The following EGF variants were observed in gnomAD, a reference collection of about 807,000 sequenced individuals.
EGF encodes the protein epidermal growth factor, also known as pro-epidermal growth factor.
Under a neutral mutation model 143.8 loss-of-function variants are expected in EGF, and 95 were observed. The observed-to-expected ratio is 0.66, with a 90% CI of 0.56 to 0.78. EGF has a LOEUF of 0.78. Ranked by LOEUF, EGF falls within the 30% of genes least tolerant of loss-of-function variation. The pLI is 0.00. For synonymous variants in EGF, 510 were observed against 510.5 expected (o/e 1.00, Z 0.01); for missense variants, 1,320 against 1,470.9 (o/e 0.90, Z 1.68).
rs1753013866 is a variant in EGF at position 110,004,618 on chromosome 4, C to A, written c.3287C>A (p.Pro1096His). Residue 1096 changes from proline to histidine, a missense_variant, in exon 22 of 24, where the codon CCT (proline) becomes CAT (histidine). By Grantham distance (77) the Pro-to-His change is moderately conservative. Transcript: ENST00000265171. The part of the protein sequence containing the change: ...TEDGMSSCPQ[P>H]WFVVIKEHQD... Reference sequence around the variant, plus strand: ...GATGGGATGTCCTCTTGCCCTCAACCTTGGGTAATGTGACCAAAGCAGATG... The same window carrying A: ...GATGGGATGTCCTCTTGCCCTCAACATTGGGTAATGTGACCAAAGCAGATG... 2 of 1,613,638 alleles carry A rather than the reference C, an allele frequency of 1.2e-6. No homozygotes were observed. The highest frequency in any genetic ancestry group is 1.7e-6 in the Non-Finnish European group (2 of 1,179,740).
chr4:110,010,413 T>TA (rs201305285), intron 23 of EGF, among the ~76,000 whole-genome samples: 119 of 138,466 alleles, frequency 8.6e-4, no homozygotes, highest in African/African-American at 3.3e-3. Flanking sequence ...TGTAATTTTT[T>TA]TAAAAAAATT....
At position 109,964,599 on chromosome 4, in the gene EGF, C is replaced by G. The variant is rs1476433027; in HGVS notation, c.1575+62C>G. ...TTAAGGACAGAGTAGAGGATTTTAT[C>G]CTAACAAATGACCTGGCCTACTTGA... On this transcript the variant is annotated intron_variant, in intron 10 of 23. Transcript: ENST00000265171. The G allele has an allele frequency of 1.8e-5, 29 of 1,608,036 alleles. No homozygotes were observed. The South Asian group carries it at 2.2e-4, about 12-fold the overall frequency.
rs1485922121 is a variant in EGF, at chr4:110,013,647, C to G, written c.*2192C>G. Among the ~76,000 whole-genome samples, 1 of 152,056 alleles carries G rather than the reference C, an allele frequency of 6.6e-6. No individual in the cohort carries two copies. Among genetic ancestry groups the G allele is most frequent in the Admixed American group, 6.6e-5 (1 of 15,258 alleles). On this transcript the variant is annotated 3_prime_UTR_variant, in exon 24 of 24. Transcript: ENST00000265171. ...CTGAATACTTTTCCTCCCTAACTCT[C>G]ATCGTCTCATTGCGCGCAACGCCTG... is the stretch of plus-strand genomic sequence containing the variant.
At chr4:110,008,940 G>C (rs1218260364) in intron 23 of EGF, among the ~76,000 whole-genome samples, 1 of 152,158 alleles carries the variant, frequency 6.6e-6, no homozygotes, top group East Asian at 1.9e-4. Flanking sequence ...CTTTGGAAAG[G>C]TTTAGAGAAA....
intron 16 of EGF, 23 bp from the exon 17 acceptor site, chr4:109,987,721 C>A: frequency 6.3e-7 from 1 of 1,580,794 alleles, no homozygotes; most frequent in Non-Finnish European, 8.7e-7. Flanking sequence ...GAAATAACTG[C>A]ACGGGATTCT....
chr4:109,955,251 G>T (rs1052476086), intron 5 of EGF, among the ~76,000 whole-genome samples: 1 of 152,162 alleles, frequency 6.6e-6, no homozygotes, highest in Non-Finnish European at 1.5e-5. Context: ...GGGGCAGTTG[G>T]TGGTGGACAT....
chr4:109,952,016 C>T (rs1255159956), intron 5 of EGF, among the ~76,000 whole-genome samples: 1 of 151,980 alleles, frequency 6.6e-6, no homozygotes, highest in Non-Finnish European at 1.5e-5. Context: ...CTTACTTCTC[C>T]CCGGCTGTCC....
intron 1 of EGF, among the ~76,000 whole-genome samples, chr4:109,915,190 G>C (rs1736406320): frequency 6.6e-6 from 1 of 152,174 alleles, no homozygotes. Flanking sequence ...CTGTGTCACA[G>C]AGTGGAAGGA....
Position 109,980,840 on chromosome 4 carries a change from T to A in EGF, c.2236T>A (p.Leu746Ile). Residue 746 changes from leucine (L) to isoleucine (I), a missense_variant, in exon 15 of 24, where the codon TTA becomes ATA. This residue lies in a region of EGF where 1,186 missense variants were observed against 1,313.7 expected (regional missense o/e 0.90). Coordinates refer to ENST00000265171, the MANE Select transcript of EGF (RefSeq NM_001963.6). ...PLAKPGADPC[L>I]YQNGGCEHIC... ...TTCTCTACTAGGAGCAGATCCCTGC[T>A]TATATCAAAACGGAGGCTGTGAACA... is the stretch of plus-strand genomic sequence containing the variant. 6.2e-7 allele frequency: 1 copy of A among 1,614,084 alleles called. No individual in the cohort carries two copies. Among genetic ancestry groups the A allele is most frequent in the Non-Finnish European group, 8.5e-7 (1 of 1,179,944 alleles).
chr4:110,012,909 C>T lies in EGF; in HGVS notation c.*1454C>T, dbSNP rs1035000022. The stretch of plus-strand genomic sequence containing the variant: ...GTCCCTTTGTTTATCTTTCATTTCT[C>T]AACCCCTTGTACTTTGGTGATACCA... On this transcript the variant is annotated 3_prime_UTR_variant, in exon 24 of 24. Coordinates refer to ENST00000265171, the MANE Select transcript of EGF (RefSeq NM_001963.6). Among the ~76,000 whole-genome samples the T allele has an allele frequency of 6.6e-6, 1 of 152,122 alleles. No individual in the cohort carries two copies. The highest frequency in any genetic ancestry group is 2.4e-5 in the African/African-American group (1 of 41,414).
chr4:109,964,796 G>C (rs1042595017), intron 10 of EGF, among the ~76,000 whole-genome samples: 20 of 152,148 alleles, frequency 1.3e-4, no homozygotes, highest in African/African-American at 4.6e-4. Context: ...TAGATTTTCA[G>C]TTTAGTTTCC....
chr4:109,961,212 C>T (rs1011717923), intron 7 of EGF, among the ~76,000 whole-genome samples: 2 of 151,916 alleles, frequency 1.3e-5, no homozygotes, highest in African/African-American at 4.8e-5. Context: ...AAAACTTAGC[C>T]AGGCATGTTG....
intron 20 of EGF, among the ~76,000 whole-genome samples, chr4:109,999,461 C>T (rs1752260811): frequency 6.6e-6 from 1 of 152,202 alleles, no homozygotes; most frequent in Non-Finnish European, 1.5e-5. Context: ...AATAATCCCC[C>T]ATAAATCCCA....
At position 109,942,894 on chromosome 4, in the gene EGF, C is replaced by T. The variant is rs145355637; in HGVS notation, c.328-360C>T. Among the ~76,000 whole-genome samples the T allele has an allele frequency of 5.9e-5, 9 of 152,278 alleles. No individual in the cohort carries two copies. In the East Asian group the frequency reaches 1.4e-3, roughly 23 times the overall value. ...GTTCAGTTGAAGATCTGGAAATTTC[C>T]ATTAGCAAATGGAACTGAATAAGCT... On this transcript the variant is annotated intron_variant, in intron 2 of 23. Transcript: ENST00000265171.
At chr4:109,964,939 G>C (rs1746306069) in intron 10 of EGF, among the ~76,000 whole-genome samples, 1 of 152,104 alleles carries the variant, frequency 6.6e-6, no homozygotes, top group Non-Finnish European at 1.5e-5. Flanking sequence ...GTATGGATTA[G>C]TAATTTGTGT....
At chr4:109,950,633 A>G (rs958420519) in intron 5 of EGF, among the ~76,000 whole-genome samples, 1 of 152,200 alleles carries the variant, frequency 6.6e-6, no homozygotes, top group Non-Finnish European at 1.5e-5. Context: ...ACCCTTGTTT[A>G]TATTACATTC....
chr4:109,924,097 T>A (rs368129110), intron 1 of EGF, among the ~76,000 whole-genome samples: 5 of 151,844 alleles, frequency 3.3e-5, no homozygotes, highest in African/African-American at 1.2e-4. Context: ...ATATAGAATA[T>A]GAATTAAATT....
At chr4:109,948,233 G>A (rs1939445229) in intron 5 of EGF, among the ~76,000 whole-genome samples, 1 of 152,228 alleles carries the variant, frequency 6.6e-6, no homozygotes, top group Admixed American at 6.5e-5. Flanking sequence ...ATTGGCTCCA[G>A]TTACTGACCA....
intron 10 of EGF, among the ~76,000 whole-genome samples, chr4:109,967,234 A>G (rs1746751259): frequency 6.6e-6 from 1 of 152,148 alleles, no homozygotes; most frequent in Admixed American, 6.5e-5. Flanking sequence ...GAGAGATAAG[A>G]GTCCAGTTTC....
Sources: gnomAD v4.1 joint callset for allele counts (sites outside exome capture counted in the v4.1 genomes callset) on GRCh38, gnomAD v4.1.1 for gene constraint, gnomAD v4.1.1 regional missense constraint, MANE v1.5 for transcripts, NCBI Gene and HGNC (gene_info 2026-07-23, HGNC 2026-07-21) for gene names.